CSMD3: variants seen among roughly 807,000 people sequenced by gnomAD.
The protein encoded by CSMD3 is CUB and sushi domain-containing protein 3.
A neutral mutation model predicts 435.2 loss-of-function variants in CSMD3; 177 were observed. The observed-to-expected ratio is 0.41, with a 90% CI of 0.36 to 0.46. The LOEUF (loss-of-function observed/expected upper bound fraction) is 0.46, where lower values mean the gene tolerates loss of function less well. CSMD3 is among the 20% of genes least tolerant of loss of function. The pLI is 0.34. For missense variants in CSMD3, 4,265 were observed against 4,504.6 expected (o/e 0.95, Z 1.52); for synonymous variants, 1,656 against 1,520.5 (o/e 1.09, Z -2.07).
intron 11 of CSMD3, among the ~76,000 whole-genome samples, chr8:112,848,739 C>T (rs2129684449): frequency 6.6e-6 from 1 of 152,134 alleles, no homozygotes; most frequent in South Asian, 2.1e-4. Flanking sequence ...AACTGAGATT[C>T]AGAGAGGTGA....
At chr8:113,366,220 T>C (rs79084798) in intron 1 of CSMD3, among the ~76,000 whole-genome samples, 1 of 152,010 alleles carries the variant, frequency 6.6e-6, no homozygotes, top group Non-Finnish European at 1.5e-5. Context: ...GGAGACAGAA[T>C]CTCTTTGTGC....
At chr8:113,348,514 C>T (rs2094167201) in intron 1 of CSMD3, among the ~76,000 whole-genome samples, 2 of 151,958 alleles carry the variant, frequency 1.3e-5, no homozygotes. Context: ...CTTTGAGAAG[C>T]AGGGATGAAG....
At chr8:112,870,020 A>C (rs866817988) in intron 10 of CSMD3, among the ~76,000 whole-genome samples, 3 of 152,218 alleles carry the variant, frequency 2.0e-5, no homozygotes, top group Admixed American at 6.5e-5. Context: ...CACGTTCTGC[A>C]TATGTATCCC....
At chr8:113,008,382 C>A (rs533603939) in intron 6 of CSMD3, among the ~76,000 whole-genome samples, 1 of 151,760 alleles carries the variant, frequency 6.6e-6, no homozygotes, top group Non-Finnish European at 1.5e-5. Context: ...GAACTAATTT[C>A]TTATTTTCTT....
chr8:112,296,507 G>A (rs573198211), intron 53 of CSMD3, among the ~76,000 whole-genome samples: 1 of 150,888 alleles, frequency 6.6e-6, no homozygotes, highest in South Asian at 2.1e-4. Flanking sequence ...CGCAGATCGC[G>A]CCACCGCACT....
At chr8:113,311,272 A>G (rs943038908) in intron 2 of CSMD3, 1 of 152,270 alleles carries the variant, frequency 6.6e-6, no homozygotes. Context: ...GCCAATATCA[A>G]TTCTCTTTTA....
intron 6 of CSMD3, among the ~76,000 whole-genome samples, chr8:112,987,217 G>A (rs1447381310): frequency 6.6e-6 from 1 of 151,992 alleles, no homozygotes; most frequent in Non-Finnish European, 1.5e-5. Context: ...TAATTTTGCT[G>A]TATTCTAATT....
intron 4 of CSMD3, among the ~76,000 whole-genome samples, chr8:113,162,522 G>A (rs891171985): frequency 7.1e-6 from 1 of 141,786 alleles, no homozygotes; most frequent in Non-Finnish European, 1.5e-5. Context: ...CTGAGATCAC[G>A]CCATTGCACT....
intron 16 of CSMD3, among the ~76,000 whole-genome samples, chr8:112,681,601 C>T (rs1023398032): frequency 6.6e-6 from 1 of 152,046 alleles, no homozygotes; most frequent in African/African-American, 2.4e-5. Flanking sequence ...AGCAGTGGCT[C>T]ATGCCTGTAA....
At chr8:112,539,692 T>A (rs554967429) in intron 27 of CSMD3, among the ~76,000 whole-genome samples, 1 of 152,200 alleles carries the variant, frequency 6.6e-6, no homozygotes, top group East Asian at 1.9e-4. Context: ...AGAAATTGGA[T>A]ATCCATACGT....
chr8:113,335,884 T>C (rs2132810368), intron 1 of CSMD3, among the ~76,000 whole-genome samples: 1 of 152,170 alleles, frequency 6.6e-6, no homozygotes, highest in South Asian at 2.1e-4. Context: ...GTTTTCTATT[T>C]AAGATGTGTA....
At chr8:113,172,912 C>T (rs2092291117) in intron 4 of CSMD3, among the ~76,000 whole-genome samples, 1 of 152,268 alleles carries the variant, frequency 6.6e-6, no homozygotes, top group South Asian at 2.1e-4. Context: ...ATGTTGAACA[C>T]GTTCTGTTTC....
intron 30 of CSMD3, among the ~76,000 whole-genome samples, chr8:112,502,767 T>C (rs780737931): frequency 5.9e-5 from 9 of 152,212 alleles, no homozygotes; most frequent in Non-Finnish European, 1.2e-4. Context: ...TTCATTACTC[T>C]ATATAATTTT....
At chr8:112,497,913 T>C (rs1169534320) in intron 30 of CSMD3, among the ~76,000 whole-genome samples, 1 of 152,056 alleles carries the variant, frequency 6.6e-6, no homozygotes, top group Non-Finnish European at 1.5e-5. Flanking sequence ...AGAAAATTAA[T>C]GAGATTGGAT....
chr8:113,248,629 T>C (rs1288831054), intron 3 of CSMD3, among the ~76,000 whole-genome samples: 2 of 150,614 alleles, frequency 1.3e-5, no homozygotes, highest in Non-Finnish European at 3.0e-5. Flanking sequence ...GCCCTAGAGA[T>C]AGGATCTTTC....
intron 1 of CSMD3, among the ~76,000 whole-genome samples, chr8:113,339,115 A>C (rs2094099336): frequency 6.6e-6 from 1 of 151,950 alleles, no homozygotes; most frequent in African/African-American, 2.4e-5. Context: ...ACAGAATAAT[A>C]AGAATAACTA....
chr8:112,255,657 GT>G, intron 61 of CSMD3: 1 of 533,184 alleles, frequency 1.9e-6, no homozygotes. Flanking sequence ...TTTCCACTTA[GT>G]AAGCTACCTT....
chr8:112,677,773 T>C lies in CSMD3; in HGVS notation c.2677+4669A>G, dbSNP rs150476318. 3.7e-3 allele frequency among the ~76,000 whole-genome samples: 565 copies of C among 152,082 alleles called. 8 individuals are homozygous for C. The highest frequency in any genetic ancestry group is 0.013 in the African/African-American group (538 of 41,498). Reference sequence around the variant, plus strand: ...ACAAAAAATAGTAACTCAAGAAACTTTCTCCTGAAATAACTACTTTGCAAA... The same window carrying C: ...ACAAAAAATAGTAACTCAAGAAACTCTCTCCTGAAATAACTACTTTGCAAA... On this transcript the variant is annotated intron_variant, in intron 16 of 70. Transcript: ENST00000297405.
At chr8:112,228,643 A>T in intron 70 of CSMD3, 113 bp downstream of exon 70, 1 of 1,090,360 alleles carries the variant, frequency 9.2e-7, no homozygotes, top group Middle Eastern at 2.9e-4. Flanking sequence ...TAGCACACAG[A>T]CATTTCAACA....
Sources: allele counts gnomAD v4.1 joint callset (sites outside exome capture counted in the v4.1 genomes callset), GRCh38; gene constraint gnomAD v4.1.1; transcripts MANE v1.5; gene names NCBI Gene and HGNC (gene_info 2026-07-23, HGNC 2026-07-21).